Variants in NELL2 observed in about 807,000 individuals in gnomAD.
The protein encoded by NELL2 is protein kinase C-binding protein NELL2.
Under a neutral mutation model 109.6 loss-of-function variants are expected in NELL2, and 41 were observed. That is an observed-to-expected ratio of 0.37 (90% CI 0.29 to 0.49). The LOEUF is 0.49. NELL2 is among the 20% of genes least tolerant of loss of function. The pLI, the probability that NELL2 is intolerant of heterozygous loss-of-function variation, is 0.98. For missense variants in NELL2, 900 were observed against 1,008.3 expected (o/e 0.89, Z 1.45); for synonymous variants, 355 against 344.7 (o/e 1.03, Z -0.33).
rs1852068986 is a variant in NELL2 at position 44,594,231 on chromosome 12, C to T, written c.1663+12938G>A. Among the ~76,000 whole-genome samples, 3 of 151,962 alleles carry T rather than the reference C, an allele frequency of 2.0e-5. No homozygotes were observed. In the South Asian group the frequency reaches 6.2e-4, roughly 32 times the overall value. Reference sequence around the variant, plus strand: ...GTGCAGCAAACCACCATGGCATGTGCATACCTATGTAACAAACCTGCACCT... The same window carrying T: ...GTGCAGCAAACCACCATGGCATGTGTATACCTATGTAACAAACCTGCACCT... On this transcript the variant is annotated intron_variant, in intron 15 of 19. Transcript: ENST00000429094.
intron 3 of NELL2, among the ~76,000 whole-genome samples, chr12:44,808,590 G>A (rs893107947): frequency 1.3e-5 from 2 of 151,886 alleles, no homozygotes; most frequent in African/African-American, 4.8e-5. Flanking sequence ...TATCTTTAAA[G>A]TTATTTATTA....
At chr12:44,775,303 A>C (rs17654244) in intron 8 of NELL2, among the ~76,000 whole-genome samples, 11,274 of 147,510 alleles carry the variant, frequency 0.076, 603 homozygotes, top group Non-Finnish European at 0.12. Flanking sequence ...TTTTATATGC[A>C]TGATATTCTG....
intron 15 of NELL2, among the ~76,000 whole-genome samples, chr12:44,539,131 T>C (rs1942427729): frequency 6.6e-6 from 1 of 152,218 alleles, no homozygotes; most frequent in Admixed American, 6.5e-5. Flanking sequence ...TTTTGTATCC[T>C]TGTAATAGCA....
intron 13 of NELL2, among the ~76,000 whole-genome samples, chr12:44,658,880 A>AC (rs1947615442): frequency 6.7e-6 from 1 of 148,404 alleles, no homozygotes; most frequent in African/African-American, 2.5e-5. Flanking sequence ...CTGTCTCCAA[A>AC]AAAAAAAAAA....
At chr12:44,680,937 A>G (rs1187183010) in intron 12 of NELL2, among the ~76,000 whole-genome samples, 1 of 152,162 alleles carries the variant, frequency 6.6e-6, no homozygotes, top group Non-Finnish European at 1.5e-5. Flanking sequence ...CACAGCATCA[A>G]GTTTTCACAA....
chr12:44,511,546 AG>A (rs1440601327), intron 19 of NELL2, among the ~76,000 whole-genome samples: 1 of 152,222 alleles, frequency 6.6e-6, no homozygotes, highest in East Asian at 1.9e-4. Flanking sequence ...GGGAGTTGTC[AG>A]AGTGGCTGGA....
intron 13 of NELL2, among the ~76,000 whole-genome samples, chr12:44,660,812 C>T (rs1330867680): frequency 1.3e-5 from 2 of 152,118 alleles, no homozygotes; most frequent in East Asian, 3.9e-4. Flanking sequence ...TCTCTTCACT[C>T]AGATCTTTAC....
chr12:44,843,812 A>G (rs1413893845), intron 2 of NELL2, among the ~76,000 whole-genome samples: 1 of 152,120 alleles, frequency 6.6e-6, no homozygotes, highest in Non-Finnish European at 1.5e-5. Flanking sequence ...GCTTATGCCC[A>G]GGAGTTTGAG....
intron 2 of NELL2, among the ~76,000 whole-genome samples, chr12:44,823,295 A>G (rs1943602457): frequency 6.6e-6 from 1 of 152,204 alleles, no homozygotes; most frequent in African/African-American, 2.4e-5. Flanking sequence ...TATACAATAC[A>G]GTGTTAATAA....
intron 15 of NELL2, among the ~76,000 whole-genome samples, chr12:44,537,149 C>A (rs1338147740): frequency 6.6e-6 from 1 of 151,836 alleles, no homozygotes; most frequent in Admixed American, 6.6e-5. Flanking sequence ...CCACACAGAT[C>A]ACTGGCTTCA....
intron 2 of NELL2, among the ~76,000 whole-genome samples, chr12:44,841,402 C>G (rs1944222357): frequency 6.6e-6 from 1 of 152,108 alleles, no homozygotes; most frequent in Non-Finnish European, 1.5e-5. Flanking sequence ...GCTCCCTGTC[C>G]CAGACATAAT....
intron 15 of NELL2, among the ~76,000 whole-genome samples, chr12:44,589,900 T>C (rs570455953): frequency 6.5e-4 from 99 of 152,330 alleles, no homozygotes; most frequent in African/African-American, 2.2e-3. Flanking sequence ...CACTATTACT[T>C]GAATGACTGG....
intron 3 of NELL2, among the ~76,000 whole-genome samples, chr12:44,791,039 A>G (rs1942362666): frequency 7.4e-6 from 1 of 135,492 alleles, no homozygotes. Context: ...CTAAGAAAGG[A>G]GATAGACACC....
chr12:44,787,911 G>C (rs1942240114), intron 3 of NELL2, among the ~76,000 whole-genome samples: 1 of 152,238 alleles, frequency 6.6e-6, no homozygotes, highest in Admixed American at 6.5e-5. Flanking sequence ...TGAGTTCTTA[G>C]AGTTGACACC....
intron 3 of NELL2, among the ~76,000 whole-genome samples, chr12:44,793,449 C>T (rs1942507457): frequency 6.6e-6 from 1 of 152,084 alleles, no homozygotes; most frequent in Non-Finnish European, 1.5e-5. Flanking sequence ...TGTCAGTTCT[C>T]AACATAATGA....
chr12:44,776,208 G>A (rs1941752189), intron 7 of NELL2, 58 bp from the exon 8 acceptor site: 1 of 1,591,218 alleles, frequency 6.3e-7, no homozygotes, highest in Non-Finnish European at 8.6e-7. Flanking sequence ...ACAGAAATGT[G>A]AAACACTCCG....
At chr12:44,625,222 C>A (rs755653838) in intron 13 of NELL2, among the ~76,000 whole-genome samples, 1 of 151,714 alleles carries the variant, frequency 6.6e-6, no homozygotes, top group South Asian at 2.1e-4. Context: ...GTATTGAACA[C>A]CCTGCATGGC....
chr12:44,535,193 T>C (rs1942240694), intron 15 of NELL2, among the ~76,000 whole-genome samples: 1 of 152,050 alleles, frequency 6.6e-6, no homozygotes, highest in Non-Finnish European at 1.5e-5. Flanking sequence ...ATTATTACTT[T>C]GTAATAGGAT....
chr12:44,607,494 G>A (rs1945451119), intron 14 of NELL2, among the ~76,000 whole-genome samples: 1 of 152,000 alleles, frequency 6.6e-6, no homozygotes, highest in African/African-American at 2.4e-5. Flanking sequence ...ACAAAATACT[G>A]AAATTTATTT....
Sources: gnomAD v4.1 joint callset for allele counts (sites outside exome capture counted in the v4.1 genomes callset) on GRCh38, gnomAD v4.1.1 for gene constraint, MANE v1.5 for transcripts, NCBI Gene and HGNC (gene_info 2026-07-23, HGNC 2026-07-21) for gene names.